The following GHRHR variants were observed in gnomAD, a reference collection of about 807,000 sequenced individuals.
The protein encoded by GHRHR is growth hormone-releasing hormone receptor.
GHRHR carries 40 observed loss-of-function variants against 58.3 expected under a neutral mutation model. The observed-to-expected ratio is 0.69, with a 90% confidence interval of 0.53 to 0.89. The LOEUF (loss-of-function observed/expected upper bound fraction) is 0.89, where lower values mean the gene tolerates loss of function less well. Ranked by LOEUF, GHRHR falls within the 40% of genes least tolerant of loss-of-function variation. The pLI is 0.00. For synonymous variants in GHRHR, 249 were observed against 216.6 expected (o/e 1.15, Z -1.31); for missense variants, 551 against 541.3 (o/e 1.02, Z -0.18).
At chr7:30,975,965 C>A in intron 10 of GHRHR, 97 bp downstream of exon 10, 1 of 766,918 alleles carries the variant, frequency 1.3e-6, no homozygotes. Context: ...ACCTCAGCCC[C>A]ATACTCTTTC....
In GHRHR at chr7:30,975,779, G is replaced by A. The variant is rs146944568; in HGVS notation, c.885G>A (p.Val295=). The change falls in exon 10 of 13, where the codon GTG becomes GTA. Residue 295 remains valine, a splice_region_variant and synonymous_variant. Transcript: ENST00000326139. ...CCTTCCTATGCCTCTATTTCCAGGTGAACTTTGGGCTTTTTCTCAATATTA... is the reference window on the plus strand; with the variant it reads ...CCTTCCTATGCCTCTATTTCCAGGTAAACTTTGGGCTTTTTCTCAATATTA... ...IKGPIVLSVG[V]NFGLFLNIIR... 1 of 1,603,568 alleles carries A rather than the reference G, an allele frequency of 6.2e-7. No homozygotes were observed. Among genetic ancestry groups the A allele is most frequent in the Admixed American group, 1.7e-5 (1 of 60,008 alleles).
At chr7:30,970,847 C>T (rs1230663418) in intron 4 of GHRHR, 2 of 518,942 alleles carry the variant, frequency 3.9e-6, no homozygotes, top group Non-Finnish European at 3.5e-6. Flanking sequence ...GTTTCTGCGG[C>T]TGCCTCTCCT....
At chr7:30,969,035 TC>T (rs1792422281) in intron 2 of GHRHR, 27 bp from the exon 3 acceptor site, 2 of 1,555,128 alleles carry the variant, frequency 1.3e-6, no homozygotes, top group Non-Finnish European at 1.8e-6. Context: ...CTGGGCTGAG[TC>T]TCTGCTGCTC....
intron 5 of GHRHR, 108 bp downstream of exon 5, chr7:30,971,324 G>A (rs923376560): frequency 1.1e-4 from 81 of 707,146 alleles, no homozygotes; most frequent in Non-Finnish European, 1.8e-4. Context: ...AGATCTAGGC[G>A]CCATACCCAT....
chr7:30,974,218 C>A (rs1792533174), intron 7 of GHRHR, 80 bp downstream of exon 7: 2 of 1,427,094 alleles, frequency 1.4e-6, no homozygotes, highest in Non-Finnish European at 2.0e-6. Context: ...AAGGCCCCTC[C>A]ACCTCACTCT....
intron 3 of GHRHR, 45 bp from the exon 4 acceptor site, chr7:30,969,822 G>A (rs374386802): frequency 2.5e-6 from 4 of 1,604,380 alleles, no homozygotes; most frequent in Admixed American, 3.3e-5. Context: ...CCCCTCCTGG[G>A]GAGAGGGAAG....
Position 30,971,145 on chromosome 7 carries a change from T to A in GHRHR, c.393T>A (p.Ile131=). 6.7e-7 allele frequency: 1 copy of A among 1,502,306 alleles called. No individual in the cohort carries two copies. The highest frequency in any genetic ancestry group is 9.1e-7 in the Non-Finnish European group (1 of 1,100,332). The allele number at this position is 1,502,306 out of a possible 1,614,324, so 93.1% of individuals were successfully genotyped here. A position where few individuals can be genotyped will look rare whatever the true frequency, so the allele number is the denominator to read the frequency against. The part of the protein sequence containing the change: ...EEESYFSTVK[I]IYTVGHSISI... ...AATCTTACTTCTCCACAGTGAAGAT[T>A]ATCTACACCGTGGGCCATAGCATCT... The change falls in exon 5 of 13, where the codon ATT becomes ATA. Residue 131 remains isoleucine (I), a synonymous_variant. Coordinates refer to ENST00000326139, the MANE Select transcript of GHRHR (RefSeq NM_000823.4).
In GHRHR at chr7:30,975,853, C is replaced by T. The variant is rs1377724284; in HGVS notation, c.959C>T (p.Thr320Ile). Residue 320 changes from threonine to isoleucine, a missense_variant, in exon 10 of 13, where the codon ACC becomes ATC. Transcript: ENST00000326139. ...KLEPAQGSLH[T>I]QSQYWRLSKS... ...GAGCCAGCTCAGGGCAGCCTCCATA[C>T]CCAGTCTCAGTATTGGTACTGTGTG... is the stretch of plus-strand genomic sequence containing the variant. 3 of 1,595,240 alleles carry T rather than the reference C, an allele frequency of 1.9e-6. No homozygotes were observed. The highest frequency in any genetic ancestry group is 1.7e-5 in the Admixed American group (1 of 60,002).
chr7:30,971,182 C>A lies in GHRHR; in HGVS notation c.430C>A (p.Leu144Ile). ...GGGCCATAGCATCTCTATTGTAGCC[C>A]TCTTCGTGGCCATCACCATCCTGGT... Reference protein sequence around the residue: ...TVGHSISIVALFVAITILVAL... With the variant: ...TVGHSISIVAIFVAITILVAL... The change falls in exon 5 of 13, where the codon CTC becomes ATC. Residue 144 changes from leucine (L) to isoleucine (I), a missense_variant. By Grantham distance (5) the Leu-to-Ile change is conservative. Transcript: ENST00000326139. 1 of 1,522,862 alleles carries A rather than the reference C, an allele frequency of 6.6e-7. No individual in the cohort carries two copies. The highest frequency in any genetic ancestry group is 8.9e-7 in the Non-Finnish European group (1 of 1,117,494). The allele number at this position is 1,522,862 out of a possible 1,614,324, so 94.3% of individuals were successfully genotyped here.
intron 1 of GHRHR, among the ~76,000 whole-genome samples, chr7:30,967,023 G>A (rs996712258): frequency 2.7e-5 from 4 of 148,974 alleles, no homozygotes; most frequent in African/African-American, 9.9e-5. Context: ...CCTCTCCTGT[G>A]AAAGCCTGGG....
At chr7:30,970,207 G>A (rs994069015) in intron 4 of GHRHR, among the ~76,000 whole-genome samples, 4 of 152,152 alleles carry the variant, frequency 2.6e-5, no homozygotes, top group East Asian at 1.9e-4. Flanking sequence ...GAGATCTGCC[G>A]GCTGCTGTCT....
chr7:30,974,211 G>C, intron 7 of GHRHR, 73 bp downstream of exon 7: 1 of 1,467,360 alleles, frequency 6.8e-7, no homozygotes, highest in African/African-American at 1.4e-5. Context: ...TTACATAAAG[G>C]CCCCTCCACC....
chr7:30,970,321 T>A (rs1275927189), intron 4 of GHRHR, among the ~76,000 whole-genome samples: 1 of 152,140 alleles, frequency 6.6e-6, no homozygotes, highest in Non-Finnish European at 1.5e-5. Flanking sequence ...TGGCCCTCAG[T>A]CTGTGGAGCA....
chr7:30,971,023 G>A, intron 4 of GHRHR, 96 bp from the exon 5 acceptor site: 1 of 715,486 alleles, frequency 1.4e-6, no homozygotes, highest in Non-Finnish European at 2.6e-6. Context: ...GAGTGTTGGG[G>A]TGGAATGGCA....
At position 30,974,073 on chromosome 7, in the gene GHRHR, G is replaced by C; in HGVS notation, c.686G>C (p.Cys229Ser). The part of the protein sequence containing the change: ...WLLAEAVYLN[C>S]LLASTSPSSR... ...TTGGCAGAAGCCGTCTACCTGAACT[G>C]CCTCCTGGCCTCCACCTCCCCCAGC... is the stretch of plus-strand genomic sequence containing the variant. The change falls in exon 7 of 13, where the codon TGC becomes TCC. Residue 229 changes from cysteine (C) to serine (S), a missense_variant. By Grantham distance (112) the Cys-to-Ser change is moderately radical. Coordinates refer to ENST00000326139, the MANE Select transcript of GHRHR (RefSeq NM_000823.4). 1 of 1,614,116 alleles carries C rather than the reference G, an allele frequency of 6.2e-7. No individual in the cohort carries two copies. Among genetic ancestry groups the C allele is most frequent in the African/African-American group, 1.3e-5 (1 of 75,038 alleles).
intron 1 of GHRHR, among the ~76,000 whole-genome samples, chr7:30,966,020 C>T (rs1477343414): frequency 1.3e-5 from 2 of 152,226 alleles, no homozygotes; most frequent in Non-Finnish European, 2.9e-5. Context: ...GTGACATCTG[C>T]ACCCTGGGGC....
At chr7:30,966,047 G>A (rs1212202390) in intron 1 of GHRHR, among the ~76,000 whole-genome samples, 2 of 152,212 alleles carry the variant, frequency 1.3e-5, no homozygotes, top group African/African-American at 4.8e-5. Context: ...GGGCCAGGCA[G>A]GAGATGGCAG....
chr7:30,974,559 T>G, intron 8 of GHRHR, 70 bp downstream of exon 8: 1 of 1,077,272 alleles, frequency 9.3e-7, no homozygotes, highest in Non-Finnish European at 1.4e-6. Context: ...AGTCAGGCCA[T>G]GGGCTGTTCT....
chr7:30,967,167 G>A (rs987056101), intron 1 of GHRHR, among the ~76,000 whole-genome samples: 16 of 152,308 alleles, frequency 1.1e-4, no homozygotes, highest in African/African-American at 3.4e-4. Flanking sequence ...TTGGGCTCTG[G>A]CCTGCTGGGC....
Sources: gnomAD v4.1 joint callset for allele counts (sites outside exome capture counted in the v4.1 genomes callset) on GRCh38, gnomAD v4.1.1 for gene constraint, MANE v1.5 for transcripts, NCBI Gene and HGNC (gene_info 2026-07-23, HGNC 2026-07-21) for gene names.